RFX2: variants seen among roughly 807,000 people sequenced by gnomAD.
RFX2 encodes regulatory factor X2.
Under a neutral mutation model 87.8 loss-of-function variants are expected in RFX2, and 20 were observed. The ratio of observed to expected loss-of-function variants is 0.23; its 90% CI spans 0.16 to 0.33. The LOEUF is 0.33. RFX2 is among the 10% of genes least tolerant of loss of function. RFX2 has a pLI of 1.00. For synonymous variants in RFX2, 397 were observed against 431.3 expected (o/e 0.92, Z 0.98); for missense variants, 767 against 1,012.3 (o/e 0.76, Z 3.29).
rs535072790 is a variant in RFX2 at position 6,019,440 on chromosome 19, C to T, written c.598-3169G>A. 5.9e-5 allele frequency among the ~76,000 whole-genome samples: 9 copies of T among 151,310 alleles called. No homozygotes were observed. The East Asian group carries it at 1.4e-3, about 23-fold the overall frequency. ...TGGACCCTTAAGAGCTTAAGAGCTC[C>T]GGAGTCTTCCCTGTATTTAATGCTA... On this transcript the variant is annotated intron_variant, in intron 6 of 17. Coordinates refer to ENST00000303657, the MANE Select transcript of RFX2 (RefSeq NM_000635.4).
At chr19:6,105,393 T>G (rs1488267942) in intron 1 of RFX2, among the ~76,000 whole-genome samples, 1 of 152,028 alleles carries the variant, frequency 6.6e-6, no homozygotes, top group African/African-American at 2.4e-5. Context: ...AGAGCTGGAA[T>G]GAGCTTCCAG....
chr19:6,008,442 G>A (rs186359457), intron 9 of RFX2, among the ~76,000 whole-genome samples: 53 of 150,644 alleles, frequency 3.5e-4, no homozygotes, highest in African/African-American at 1.1e-3. Flanking sequence ...GCACGATCTC[G>A]GTTCACTGCA....
chr19:6,069,576 T>C (rs1326502804), intron 1 of RFX2, among the ~76,000 whole-genome samples: 1 of 152,148 alleles, frequency 6.6e-6, no homozygotes, highest in Non-Finnish European at 1.5e-5. Context: ...CTGTCTACCA[T>C]TTAGAGATCC....
chr19:6,071,869 C>T (rs2087611125), intron 1 of RFX2: 1 of 152,120 alleles, frequency 6.6e-6, no homozygotes, highest in Non-Finnish European at 1.5e-5. Context: ...CACCTTAAAA[C>T]CTGTAAAATA....
Position 6,056,452 on chromosome 19 carries a change from G to A in RFX2, c.-8-8948C>T, listed in dbSNP as rs1210987822. Among the ~76,000 whole-genome samples, 4 of 152,184 alleles carry A rather than the reference G, an allele frequency of 2.6e-5. No homozygotes were observed. The highest frequency in any genetic ancestry group is 1.9e-4 in the East Asian group (1 of 5,192). On this transcript the variant is annotated intron_variant, in intron 1 of 17. Coordinates refer to ENST00000303657, the MANE Select transcript of RFX2 (RefSeq NM_000635.4). This position sits in a 1 kb window ranked among gnomAD's most constrained non-coding sequence, Gnocchi z 4.6. The stretch of plus-strand genomic sequence containing the variant: ...TCCAGGTAAGCGCAGTAGCTCACAT[G>A]GTCCTCCCAGAAGGGGTGATGCTGG...
rs951028342 is a variant in RFX2 at position 6,064,113 on chromosome 19, C to T, written c.-8-16609G>A. ...TCCCTCACCCCAACCCCAGACCCTACGTAGCACATTGCCTGCAAAGATGCT... is the reference window on the plus strand; with the variant it reads ...TCCCTCACCCCAACCCCAGACCCTATGTAGCACATTGCCTGCAAAGATGCT... On this transcript the variant is annotated intron_variant, in intron 1 of 17. Coordinates refer to ENST00000303657, the MANE Select transcript of RFX2 (RefSeq NM_000635.4). This position sits in a 1 kb window ranked among gnomAD's most constrained non-coding sequence, Gnocchi z 4.8. Among the ~76,000 whole-genome samples the T allele has an allele frequency of 6.6e-6, 1 of 152,222 alleles. No homozygotes were observed. The highest frequency in any genetic ancestry group is 1.5e-5 in the Non-Finnish European group (1 of 68,034).
In RFX2 at chr19:6,039,923, C is replaced by T. The variant is rs941598882; in HGVS notation, c.522+57G>A. ...GCCTCTTACTCACCATCCCTGCTGCCGCTGCTTCGAGAATACTCATGGCCT... is the reference window on the plus strand; with the variant it reads ...GCCTCTTACTCACCATCCCTGCTGCTGCTGCTTCGAGAATACTCATGGCCT... On this transcript the variant is annotated intron_variant, in intron 5 of 17. Transcript: ENST00000303657. This position sits in a 1 kb window ranked among gnomAD's most constrained non-coding sequence, Gnocchi z 5.2. The T allele has an allele frequency of 4.1e-6, 6 of 1,471,642 alleles. No homozygotes were observed. The highest frequency in any genetic ancestry group is 1.4e-5 in the African/African-American group (1 of 71,356). 91.2% of individuals were successfully genotyped at this position (1,471,642 alleles called of 1,614,324 possible).
intron 1 of RFX2, among the ~76,000 whole-genome samples, chr19:6,058,664 T>C (rs1184281634): frequency 6.6e-6 from 1 of 152,114 alleles, no homozygotes; most frequent in Non-Finnish European, 1.5e-5. Flanking sequence ...CGAGCTTCTC[T>C]GAAATCAAGT....
In RFX2 at chr19:6,010,079, C is replaced by T. The variant is rs1489617535; in HGVS notation, c.1015+57G>A. 1.8e-6 allele frequency: 2 copies of T among 1,123,046 alleles called. No homozygotes were observed. The highest frequency in any genetic ancestry group is 1.5e-5 in the African/African-American group (1 of 64,916). The allele number at this position is 1,123,046 out of a possible 1,614,324, so 69.6% of individuals were successfully genotyped here. ...CCACTGGTTCTGCTGGTGTTGAAAC[C>T]CAGGAGTGTGGCGAGCAGATGGGAG... On this transcript the variant is annotated intron_variant, in intron 9 of 17. Transcript: ENST00000303657. This position sits in a 1 kb window ranked among gnomAD's most constrained non-coding sequence, Gnocchi z 5.0.
rs145621706 is a variant in RFX2 at position 6,013,926 on chromosome 19, G to A, written c.780-821C>T. On this transcript the variant is annotated intron_variant, in intron 7 of 17. Transcript: ENST00000303657. The surrounding 1 kb of genome is among the most constrained non-coding windows in gnomAD (Gnocchi z 4.1). ...GGTCAGCTTTGTTGAGCTCCACATGGCTTATCTCCATTATTATTACCATTA... is the reference window on the plus strand; with the variant it reads ...GGTCAGCTTTGTTGAGCTCCACATGACTTATCTCCATTATTATTACCATTA... Among the ~76,000 whole-genome samples, 7 of 152,234 alleles carry A rather than the reference G, an allele frequency of 4.6e-5. No homozygotes were observed. The highest frequency in any genetic ancestry group is 2.0e-4 in the Admixed American group (3 of 15,286).
rs1450476251 is a variant in RFX2, at chr19:6,040,470, A to G, written c.261-229T>C. On this transcript the variant is annotated intron_variant, in intron 4 of 17. Coordinates refer to ENST00000303657, the MANE Select transcript of RFX2 (RefSeq NM_000635.4). The surrounding 1 kb of genome is among the most constrained non-coding windows in gnomAD (Gnocchi z 6.1). ...GACTTATCAAAAAGTGACCACTTAAAAATTCTAGGCCAGGCGTGGTGGCTC... is the reference window on the plus strand; with the variant it reads ...GACTTATCAAAAAGTGACCACTTAAGAATTCTAGGCCAGGCGTGGTGGCTC... Among the ~76,000 whole-genome samples the G allele has an allele frequency of 1.3e-5, 2 of 152,228 alleles. No individual in the cohort carries two copies. The highest frequency in any genetic ancestry group is 4.8e-5 in the African/African-American group (2 of 41,468).
At chr19:6,097,886 T>C (rs545175826) in intron 1 of RFX2, among the ~76,000 whole-genome samples, 1 of 152,168 alleles carries the variant, frequency 6.6e-6, no homozygotes, top group Admixed American at 6.5e-5. Flanking sequence ...CCAGGTTCCC[T>C]TTATTTTTAA....
chr19:6,023,212 G>T lies in RFX2; in HGVS notation c.597+2951C>A, dbSNP rs2086842939. The T allele has an allele frequency of 6.6e-6, 1 of 152,440 alleles. No homozygotes were observed. Among genetic ancestry groups the T allele is most frequent in the Non-Finnish European group, 1.5e-5 (1 of 68,196 alleles). 9.4% of individuals were successfully genotyped at this position (152,440 alleles called of 1,614,324 possible). ...TGCCTGGGGCTGTCTGAGAAGGGAG[G>T]TCTGGGAGGCCACTGGGAAAATGGG... On this transcript the variant is annotated intron_variant, in intron 6 of 17. Transcript: ENST00000303657. The surrounding 1 kb of genome is among the most constrained non-coding windows in gnomAD (Gnocchi z 4.9).
At chr19:5,995,989 T>G (rs895517578) in intron 16 of RFX2, among the ~76,000 whole-genome samples, 1 of 152,184 alleles carries the variant, frequency 6.6e-6, no homozygotes, top group Non-Finnish European at 1.5e-5. Flanking sequence ...CTGAAGTCTG[T>G]ACACAGCAGG....
In RFX2 at chr19:5,999,289, G is replaced by C. The variant is rs2086460332; in HGVS notation, c.1860-2076C>G. Among the ~76,000 whole-genome samples the C allele has an allele frequency of 6.6e-6, 1 of 152,128 alleles. No individual in the cohort carries two copies. The highest frequency in any genetic ancestry group is 2.1e-4 in the South Asian group (1 of 4,820). On this transcript the variant is annotated intron_variant, in intron 15 of 17. Transcript: ENST00000303657. This position sits in a 1 kb window ranked among gnomAD's most constrained non-coding sequence, Gnocchi z 4.1. ...GCAAACAAGAGAATGAAGTGGAACA[G>C]TGTCTCGGTCTCCCTTGTGAAGAGC...
rs2086466156 is a variant in RFX2, at chr19:5,999,719, C to G, written c.1859+2096G>C. On this transcript the variant is annotated intron_variant, in intron 15 of 17. Coordinates refer to ENST00000303657, the MANE Select transcript of RFX2 (RefSeq NM_000635.4). The surrounding 1 kb of genome is among the most constrained non-coding windows in gnomAD (Gnocchi z 4.1). ...AGACAACAGACAAGTGAACAGATGA[C>G]AGGTGACGGTCAATGCCAGGAGAAA... 6.6e-6 allele frequency among the ~76,000 whole-genome samples: 1 copy of G among 152,108 alleles called. No homozygotes were observed. The highest frequency in any genetic ancestry group is 2.1e-4 in the South Asian group (1 of 4,828).
rs1295505583 is a variant in RFX2 at position 6,035,848 on chromosome 19, G to T, written c.522+4132C>A. Among the ~76,000 whole-genome samples, 3 of 85,328 alleles carry T rather than the reference G, an allele frequency of 3.5e-5. No individual in the cohort carries two copies. The East Asian group carries it at 7.9e-4, about 22-fold the overall frequency. The allele number at this position is 85,328 out of a possible 152,430, so 56.0% of individuals were successfully genotyped here. A position where few individuals can be genotyped will look rare whatever the true frequency, so the allele number is the denominator to read the frequency against. On this transcript the variant is annotated intron_variant, in intron 5 of 17. Transcript: ENST00000303657. ...TGATGACTCCCCCAGAGCTTGGTGG[G>T]GGGTGTGTGTGTGTGTGTGTGTGTG...
chr19:6,044,034 A>T lies in RFX2; in HGVS notation c.180+159T>A, dbSNP rs545996073. 1.5e-4 allele frequency among the ~76,000 whole-genome samples: 23 copies of T among 152,350 alleles called. No individual in the cohort carries two copies. The highest frequency in any genetic ancestry group is 2.6e-4 in the Non-Finnish European group (18 of 68,024). ...ACTATCTGCAGTAAATGATTTTTTT[A>T]AAATTGCACAGCTTCTGGAAAAGTC... On this transcript the variant is annotated intron_variant, in intron 3 of 17. Coordinates refer to ENST00000303657, the MANE Select transcript of RFX2 (RefSeq NM_000635.4). This position sits in a 1 kb window ranked among gnomAD's most constrained non-coding sequence, Gnocchi z 5.3.
At chr19:6,019,878 ATG>A (rs1282196167) in intron 6 of RFX2, 1 of 152,352 alleles carries the variant, frequency 6.6e-6, no homozygotes, top group East Asian at 1.9e-4. Flanking sequence ...AGGTTTGCCC[ATG>A]TGAGCATCTG....
Sources: gnomAD v4.1 joint callset for allele counts (sites outside exome capture counted in the v4.1 genomes callset) on GRCh38, gnomAD v4.1.1 for gene constraint, Gnocchi (gnomAD v3.1) non-coding constraint, MANE v1.5 for transcripts, NCBI Gene and HGNC (gene_info 2026-07-23, HGNC 2026-07-21) for gene names.